RSRC1: variants seen among roughly 807,000 people sequenced by gnomAD.
The protein encoded by RSRC1 is arginine and serine rich coiled-coil 1, also known as serine/Arginine-related protein 53.
RSRC1 carries 39 observed loss-of-function variants against 49.1 expected under a neutral mutation model. The ratio of observed to expected loss-of-function variants is 0.79; its 90% CI spans 0.61 to 1.04. RSRC1 has a LOEUF of 1.04. Ranked by LOEUF, RSRC1 falls within the 50% of genes least tolerant of loss-of-function variation. The pLI, the probability that RSRC1 is intolerant of heterozygous loss-of-function variation, is 0.00. For missense variants in RSRC1, 388 were observed against 402.4 expected (o/e 0.96, Z 0.31); for synonymous variants, 143 against 130.8 (o/e 1.09, Z -0.63).
At chr3:158,309,470 T>C (rs1038180908) in intron 5 of RSRC1, among the ~76,000 whole-genome samples, 5 of 151,824 alleles carry the variant, frequency 3.3e-5, no homozygotes, top group African/African-American at 9.7e-5. Flanking sequence ...TAATAAACGT[T>C]TAATAAATGT....
At chr3:158,354,060 G>A (rs974597450) in intron 5 of RSRC1, among the ~76,000 whole-genome samples, 3 of 133,684 alleles carry the variant, frequency 2.2e-5, no homozygotes, top group African/African-American at 5.7e-5. Flanking sequence ...ACAGTGGCAC[G>A]ATCTTGGCTC....
At chr3:158,420,311 G>A (rs1408984085) in intron 6 of RSRC1, among the ~76,000 whole-genome samples, 2 of 151,958 alleles carry the variant, frequency 1.3e-5, no homozygotes, top group Non-Finnish European at 2.9e-5. Flanking sequence ...TTGGTTGAAA[G>A]TAGTAAAGCT....
At chr3:158,274,874 T>A (rs1247564359) in intron 4 of RSRC1, among the ~76,000 whole-genome samples, 1 of 152,208 alleles carries the variant, frequency 6.6e-6, no homozygotes, top group Non-Finnish European at 1.5e-5. Flanking sequence ...TGACTTTTTC[T>A]GTAGCCTATG....
intron 7 of RSRC1, among the ~76,000 whole-genome samples, chr3:158,529,820 A>G (rs999527948): frequency 6.6e-6 from 1 of 152,008 alleles, no homozygotes; most frequent in African/African-American, 2.4e-5. Context: ...GTTATAAGAC[A>G]TCCATTAGGA....
chr3:158,190,320 G>A (rs1720163749), intron 3 of RSRC1, among the ~76,000 whole-genome samples: 1 of 151,968 alleles, frequency 6.6e-6, no homozygotes, highest in Admixed American at 6.6e-5. Context: ...GTAATAATCT[G>A]TTACCTTGTG....
intron 3 of RSRC1, among the ~76,000 whole-genome samples, chr3:158,141,714 C>T (rs371555027): frequency 2.0e-5 from 3 of 152,172 alleles, no homozygotes; most frequent in African/African-American, 2.4e-5. Context: ...CTTTGTTCCC[C>T]GCATTTCATT....
At chr3:158,202,992 T>C (rs1721146423) in intron 3 of RSRC1, 80 bp from the exon 4 acceptor site, 2 of 1,155,048 alleles carry the variant, frequency 1.7e-6, no homozygotes, top group Non-Finnish European at 2.4e-6. Context: ...GTAGTTTTTT[T>C]CAGATAATTT....
At chr3:158,207,664 G>GATAGATAA (rs1256510424) in intron 4 of RSRC1, among the ~76,000 whole-genome samples, 3 of 151,952 alleles carry the variant, frequency 2.0e-5, no homozygotes, top group Non-Finnish European at 2.9e-5. Flanking sequence ...TAGATAGATA[G>GATAGATAA]ACAGAGAGAC....
intron 4 of RSRC1, among the ~76,000 whole-genome samples, chr3:158,220,626 T>C (rs969654003): frequency 2.0e-5 from 3 of 151,658 alleles, no homozygotes; most frequent in African/African-American, 7.3e-5. Context: ...TGTTGCTGTT[T>C]TGACTATGAA....
chr3:158,360,985 A>T lies in RSRC1; in HGVS notation c.583+6077A>T, dbSNP rs1731437826. ...GGTTCTCACTGGGCCCAGGCTGGCA[A>T]CCAGGGCAGGAGAGATGTCTCCGCA... On this transcript the variant is annotated intron_variant, in intron 6 of 9. Transcript: ENST00000611884. Among the ~76,000 whole-genome samples the T allele has an allele frequency of 1.3e-5, 2 of 152,148 alleles. 1 individual carries two copies. The highest frequency in any genetic ancestry group is 4.1e-4 in the South Asian group (2 of 4,832).
chr3:158,252,059 A>G (rs1373605880), intron 4 of RSRC1, among the ~76,000 whole-genome samples: 1 of 152,048 alleles, frequency 6.6e-6, no homozygotes, highest in Non-Finnish European at 1.5e-5. Flanking sequence ...TTTTTTCAGC[A>G]TTAATTGATT....
chr3:158,119,975 C>T lies in RSRC1; in HGVS notation c.-2-2128C>T, dbSNP rs142782619. ...ACTACTGAGTAGCTGAGACTACAGG[C>T]GCATGCCACCACGCCCAGCTACTTT... is the stretch of plus-strand genomic sequence containing the variant. On this transcript the variant is annotated intron_variant, in intron 1 of 9. Coordinates refer to ENST00000611884, the MANE Select transcript of RSRC1 (RefSeq NM_001271838.2). Among the ~76,000 whole-genome samples, 124 of 151,938 alleles carry T rather than the reference C, an allele frequency of 8.2e-4. No homozygotes were observed. The East Asian group carries it at 0.022, about 27-fold the overall frequency.
At chr3:158,254,470 C>T (rs537279567) in intron 4 of RSRC1, among the ~76,000 whole-genome samples, 10 of 152,132 alleles carry the variant, frequency 6.6e-5, no homozygotes, top group East Asian at 3.9e-4. Flanking sequence ...CTCGCTCTGT[C>T]GCTCAGGCTG....
chr3:158,118,169 C>T (rs1714973163), intron 1 of RSRC1, among the ~76,000 whole-genome samples: 5 of 152,106 alleles, frequency 3.3e-5, no homozygotes, highest in African/African-American at 1.2e-4. Flanking sequence ...GGGCTGGTCT[C>T]AAACTCCTGG....
intron 4 of RSRC1, among the ~76,000 whole-genome samples, chr3:158,233,739 A>G (rs1723091004): frequency 6.6e-6 from 1 of 152,112 alleles, no homozygotes. Context: ...TTTTTATGCA[A>G]ATGAGTTTGA....
At chr3:158,339,692 A>G (rs971958188) in intron 5 of RSRC1, among the ~76,000 whole-genome samples, 2 of 152,214 alleles carry the variant, frequency 1.3e-5, no homozygotes, top group African/African-American at 4.8e-5. Flanking sequence ...TCTCAAATAT[A>G]TACTTACTGA....
chr3:158,222,536 CAAGTT>C (rs1722283001), intron 4 of RSRC1, among the ~76,000 whole-genome samples: 1 of 151,548 alleles, frequency 6.6e-6, no homozygotes, highest in African/African-American at 2.4e-5. Context: ...GTCAATTAAA[CAAGTT>C]AACAAGCTTG....
chr3:158,535,763 T>C (rs1269795321), intron 7 of RSRC1, among the ~76,000 whole-genome samples: 3 of 151,416 alleles, frequency 2.0e-5, no homozygotes, highest in Non-Finnish European at 4.4e-5. Flanking sequence ...ATGACTACCA[T>C]GGACTAAAGT....
intron 6 of RSRC1, among the ~76,000 whole-genome samples, chr3:158,423,740 CTT>C (rs1735228764): frequency 3.3e-5 from 5 of 152,096 alleles, no homozygotes; most frequent in Admixed American, 3.3e-4. Context: ...GTTGTATCCT[CTT>C]TTATTTCGTT....
Sources: gnomAD v4.1 joint callset for allele counts (sites outside exome capture counted in the v4.1 genomes callset) on GRCh38, gnomAD v4.1.1 for gene constraint, MANE v1.5 for transcripts, NCBI Gene and HGNC (gene_info 2026-07-23, HGNC 2026-07-21) for gene names.